CFAP74: variants seen among roughly 807,000 people sequenced by gnomAD.
The protein encoded by CFAP74 is cilia and flagella associated protein 74.
CFAP74 carries 124 observed loss-of-function variants against 188.9 expected under a neutral mutation model. The observed-to-expected ratio is 0.66, with a 90% CI of 0.57 to 0.76. The LOEUF (loss-of-function observed/expected upper bound fraction) is 0.76. Among genes scored for constraint, CFAP74 ranks in the 30% least tolerant of loss-of-function variants. The pLI is 0.00. For missense variants in CFAP74, 2,198 were observed against 2,165.2 expected (o/e 1.02, Z -0.30); for synonymous variants, 956 against 916.7 (o/e 1.04, Z -0.77).
chr1:1,986,831 T>C (rs1004230069), intron 5 of CFAP74, 106 bp downstream of exon 5: 13 of 892,134 alleles, frequency 1.5e-5, no homozygotes, highest in Non-Finnish European at 2.3e-5. Context: ...GGGCTCCTCA[T>C]TGGCCTGAAC....
intron 1 of CFAP74, among the ~76,000 whole-genome samples, chr1:1,992,006 C>T (rs1357722794): frequency 6.6e-6 from 1 of 151,328 alleles, no homozygotes; most frequent in Non-Finnish European, 1.5e-5. Context: ...CGCCACTGCA[C>T]TCCAGCCTGG....
At chr1:1,929,259 C>G (rs1652165569) in intron 26 of CFAP74, among the ~76,000 whole-genome samples, 1 of 142,830 alleles carries the variant, frequency 7.0e-6, no homozygotes, top group African/African-American at 2.6e-5. Context: ...CACACACCAG[C>G]CTTTCCAAGG....
chr1:1,949,391 C>A (rs1654064129), intron 18 of CFAP74, among the ~76,000 whole-genome samples: 1 of 152,074 alleles, frequency 6.6e-6, no homozygotes, highest in Non-Finnish European at 1.5e-5. Flanking sequence ...AACTCCTGAC[C>A]TCAAGTGATC....
intron 11 of CFAP74, among the ~76,000 whole-genome samples, chr1:1,967,880 T>TGTGA (rs1240484684): frequency 2.0e-5 from 3 of 151,940 alleles, no homozygotes; most frequent in Admixed American, 6.6e-5. Flanking sequence ...AGGCCCTGGA[T>TGTGA]GTGAGTGAGT....
At chr1:1,936,412 T>C (rs1289413153) in intron 25 of CFAP74, among the ~76,000 whole-genome samples, 3 of 147,864 alleles carry the variant, frequency 2.0e-5, no homozygotes, top group East Asian at 2.1e-4. Context: ...GGCGTGGTGG[T>C]GCACACCTAT....
chr1:1,981,695 G>A (rs1656871779), intron 6 of CFAP74, among the ~76,000 whole-genome samples: 2 of 129,364 alleles, frequency 1.5e-5, no homozygotes, highest in Non-Finnish European at 3.2e-5. Context: ...GGACAGACAC[G>A]GGGGCACGCA....
Position 1,948,062 on chromosome 1 carries a change from G to A in CFAP74, c.2177-1008C>T, listed in dbSNP as rs199915913. On this transcript the variant is annotated intron_variant, in intron 18 of 38. Coordinates refer to ENST00000682832, the MANE Select transcript of CFAP74 (RefSeq NM_001304360.2). ...TAATTTTTGTATTTTTAGTAGAGAC[G>A]GGGTTTCACCATATCGGCCAGACTG... Among the ~76,000 whole-genome samples, 17 of 152,004 alleles carry A rather than the reference G, an allele frequency of 1.1e-4. No individual in the cohort carries two copies. In the East Asian group the frequency reaches 2.5e-3, roughly 22 times the overall value.
At chr1:1,932,828 G>A (rs1440261872) in intron 25 of CFAP74, among the ~76,000 whole-genome samples, 1 of 151,182 alleles carries the variant, frequency 6.6e-6, no homozygotes, top group Non-Finnish European at 1.5e-5. Flanking sequence ...TCCTGACCTC[G>A]TGATCTGCCC....
At chr1:2,003,534 C>T (rs1449073004) in intron 1 of CFAP74, among the ~76,000 whole-genome samples, 167 bp downstream of exon 1, 3 of 152,170 alleles carry the variant, frequency 2.0e-5, no homozygotes, top group East Asian at 3.9e-4. Flanking sequence ...GTGCCAGCGC[C>T]GGGGTTCCCT....
At position 1,986,962 on chromosome 1, in the gene CFAP74, C is replaced by G; in HGVS notation, c.370G>C (p.Ala124Pro). 7 of 1,601,320 alleles carry G rather than the reference C, an allele frequency of 4.4e-6. No individual in the cohort carries two copies. The highest frequency in any genetic ancestry group is 5.9e-6 in the Non-Finnish European group (7 of 1,179,432). ...ATGTTGCCCGCCTCTTCCTCTGTGG[C>G]GATCTCGGCTGCCACAGCCTCCTGC... ...KQQEAVAAEIATEEEAGNMAA... is the reference protein window; with the variant it reads ...KQQEAVAAEIPTEEEAGNMAA... The change falls in exon 5 of 39, where the codon GCC becomes CCC. Residue 124 changes from alanine to proline, a missense_variant. Coordinates refer to ENST00000682832, the MANE Select transcript of CFAP74 (RefSeq NM_001304360.2).
At chr1:1,935,877 C>G (rs1214407195) in intron 25 of CFAP74, among the ~76,000 whole-genome samples, 1 of 151,478 alleles carries the variant, frequency 6.6e-6, no homozygotes, top group African/African-American at 2.4e-5. Flanking sequence ...TACACACACA[C>G]ACACACACAC....
At chr1:1,996,538 A>C (rs1054434213) in intron 1 of CFAP74, among the ~76,000 whole-genome samples, 3 of 152,148 alleles carry the variant, frequency 2.0e-5, no homozygotes, top group African/African-American at 7.2e-5. Context: ...GCTACTTTAA[A>C]CATACGAAAA....
chr1:1,996,461 C>A (rs921682994), intron 1 of CFAP74, among the ~76,000 whole-genome samples: 3 of 152,164 alleles, frequency 2.0e-5, no homozygotes, highest in Admixed American at 2.0e-4. Context: ...ATGTTCAATT[C>A]ACCAGGAAGA....
chr1:1,939,123 T>C, intron 24 of CFAP74, 135 bp from the exon 25 acceptor site: 1 of 931,738 alleles, frequency 1.1e-6, no homozygotes, highest in Non-Finnish European at 1.6e-6. Context: ...AGTGTCGCTG[T>C]CAACGAGTGT....
intron 1 of CFAP74, 78 bp from the exon 2 acceptor site, chr1:1,991,053 G>C (rs949537442): frequency 2.4e-5 from 23 of 976,374 alleles, no homozygotes; most frequent in Middle Eastern, 4.6e-4. Flanking sequence ...TTCTCTTAAA[G>C]AAGGCATTAA....
chr1:1,936,217 C>CAA (rs112657762), intron 25 of CFAP74, among the ~76,000 whole-genome samples: 96 of 100,082 alleles, frequency 9.6e-4, no homozygotes, highest in African/African-American at 3.1e-3. Flanking sequence ...TGCTCCGTCT[C>CAA]AAAAAAAAAA....
At chr1:1,966,552 A>G (rs982530732) in intron 11 of CFAP74, 26 bp from the exon 12 acceptor site, 3 of 1,501,940 alleles carry the variant, frequency 2.0e-6, no homozygotes, top group Non-Finnish European at 2.7e-6. Flanking sequence ...GGAACATCGC[A>G]AAGACACGCT....
intron 22 of CFAP74, among the ~76,000 whole-genome samples, chr1:1,941,463 G>A (rs1653369713): frequency 6.6e-6 from 1 of 152,256 alleles, no homozygotes; most frequent in African/African-American, 2.4e-5. Flanking sequence ...AGGGGATGCA[G>A]CCAGCAGGCC....
Position 1,985,262 on chromosome 1 carries a change from A to G in CFAP74, c.500+124T>C, listed in dbSNP as rs1043275427. ...ACTGCATTCACCGAGTCCCCTTTCC[A>G]CTTCCCCGCAGTTTGCCGGTCAGGT... On this transcript the variant is annotated intron_variant, in intron 6 of 38. Transcript: ENST00000682832. 7.1e-5 allele frequency: 53 copies of G among 745,794 alleles called. No individual in the cohort carries two copies. In the East Asian group the frequency reaches 8.8e-4, roughly 12 times the overall value. The allele number at this position is 745,794 out of a possible 1,614,324, so 46.2% of individuals were successfully genotyped here. A position where few individuals can be genotyped will look rare whatever the true frequency, so the allele number is the denominator to read the frequency against.
Sources: allele counts gnomAD v4.1 joint callset (sites outside exome capture counted in the v4.1 genomes callset), GRCh38; gene constraint gnomAD v4.1.1; transcripts MANE v1.5; gene names NCBI Gene and HGNC (gene_info 2026-07-23, HGNC 2026-07-21).